Variants in CACNA2D1 observed in about 807,000 individuals in gnomAD.
CACNA2D1 encodes the protein calcium voltage-gated channel auxiliary subunit alpha2delta 1, also known as voltage-dependent calcium channel subunit alpha-2/delta-1.
A neutral mutation model predicts 171.5 loss-of-function variants in CACNA2D1; 53 were observed. The observed-to-expected ratio is 0.31, with a 90% CI of 0.25 to 0.39. The LOEUF is 0.39. CACNA2D1 is among the 10% of genes least tolerant of loss of function. The pLI is 1.00. For synonymous variants in CACNA2D1, 442 were observed against 443.1 expected (o/e 1.00, Z 0.03); for missense variants, 903 against 1,299.8 (o/e 0.69, Z 4.69).
intron 3 of CACNA2D1, among the ~76,000 whole-genome samples, chr7:82,285,424 T>C (rs538173604): frequency 1.3e-5 from 2 of 152,292 alleles, no homozygotes; most frequent in East Asian, 3.9e-4. Flanking sequence ...CAGTACGTAC[T>C]CTTGAAATAG....
intron 1 of CACNA2D1, among the ~76,000 whole-genome samples, chr7:82,362,324 C>T (rs1821164509): frequency 1.3e-5 from 2 of 152,160 alleles, no homozygotes; most frequent in South Asian, 4.2e-4. Flanking sequence ...TAAAATGGAC[C>T]ACCCTGTATT....
chr7:82,138,226 C>A (rs1182926253), intron 4 of CACNA2D1, among the ~76,000 whole-genome samples: 1 of 151,932 alleles, frequency 6.6e-6, no homozygotes, highest in Non-Finnish European at 1.5e-5. Context: ...AAATATAGGT[C>A]TCCATGAAGA....
intron 3 of CACNA2D1, among the ~76,000 whole-genome samples, chr7:82,221,400 A>G (rs1295598421): frequency 6.6e-6 from 1 of 152,138 alleles, no homozygotes; most frequent in African/African-American, 2.4e-5. Flanking sequence ...CTCCAAACAC[A>G]TTTTCTACAG....
intron 1 of CACNA2D1, among the ~76,000 whole-genome samples, chr7:82,389,480 T>C (rs942069839): frequency 6.6e-6 from 1 of 152,150 alleles, no homozygotes; most frequent in African/African-American, 2.4e-5. Flanking sequence ...CTTCCATTCT[T>C]AAATATATAT....
At chr7:82,039,584 T>TATA (rs1803702787) in intron 10 of CACNA2D1, among the ~76,000 whole-genome samples, 1 of 152,198 alleles carries the variant, frequency 6.6e-6, no homozygotes, top group Non-Finnish European at 1.5e-5. Context: ...CTCAATATAG[T>TATA]ATAATAAATT....
At chr7:82,117,800 C>A (rs1304714529) in intron 5 of CACNA2D1, among the ~76,000 whole-genome samples, 2 of 152,062 alleles carry the variant, frequency 1.3e-5, no homozygotes, top group Admixed American at 6.6e-5. Flanking sequence ...AACAAACAAA[C>A]AAACAGACAA....
At chr7:82,281,963 A>G (rs950853240) in intron 3 of CACNA2D1, among the ~76,000 whole-genome samples, 1 of 152,112 alleles carries the variant, frequency 6.6e-6, no homozygotes, top group Non-Finnish European at 1.5e-5. Context: ...CAAAGAAAAA[A>G]AGAAAAAAGA....
At chr7:82,373,766 A>G (rs1318012090) in intron 1 of CACNA2D1, among the ~76,000 whole-genome samples, 1 of 152,210 alleles carries the variant, frequency 6.6e-6, no homozygotes, top group Non-Finnish European at 1.5e-5. Flanking sequence ...TTGTGTTTTC[A>G]AGGGTTGAAT....
chr7:82,148,165 A>G (rs1404174214), intron 4 of CACNA2D1, among the ~76,000 whole-genome samples: 2 of 152,202 alleles, frequency 1.3e-5, no homozygotes, highest in African/African-American at 2.4e-5. Context: ...GCTAAAACAA[A>G]TATATCACTG....
intron 7 of CACNA2D1, among the ~76,000 whole-genome samples, chr7:82,072,424 A>G (rs1311937181): frequency 6.6e-6 from 1 of 151,938 alleles, no homozygotes; most frequent in Non-Finnish European, 1.5e-5. Context: ...TATTTTTAGG[A>G]GAGTATTATT....
chr7:82,254,651 C>G (rs1436354913), intron 3 of CACNA2D1, among the ~76,000 whole-genome samples: 2 of 152,118 alleles, frequency 1.3e-5, no homozygotes, highest in Non-Finnish European at 2.9e-5. Flanking sequence ...TGTGGCCTTT[C>G]TTTGCCTAAA....
chr7:82,363,962 G>A (rs1196423434), intron 1 of CACNA2D1, among the ~76,000 whole-genome samples: 11 of 152,128 alleles, frequency 7.2e-5, no homozygotes, highest in Admixed American at 6.5e-5. Context: ...GGCAGGGCCC[G>A]GGGGCTCACA....
chr7:82,360,365 T>A (rs1563426621), intron 1 of CACNA2D1, among the ~76,000 whole-genome samples: 1 of 152,172 alleles, frequency 6.6e-6, no homozygotes, highest in Non-Finnish European at 1.5e-5. Context: ...CCTTAAGACA[T>A]CTCAGTGGAA....
At position 82,170,563 on chromosome 7, in the gene CACNA2D1, C is replaced by G; in HGVS notation, c.341G>C (p.Arg114Thr). 1 of 1,612,516 alleles carries G rather than the reference C, an allele frequency of 6.2e-7. No homozygotes were observed. The highest frequency in any genetic ancestry group is 8.5e-7 in the Non-Finnish European group (1 of 1,179,000). ...AEKVQAAHQW[R>T]EDFASNEVVY... The stretch of plus-strand genomic sequence containing the variant: ...AGGGGTTCTTACTGCAAAATCTTCT[C>G]TCCACTGGTGAGCTGCTTGAACTTT... The change falls in exon 4 of 39, where the codon AGA (arginine) becomes ACA (threonine). Residue 114 changes from arginine to threonine, a missense_variant. By Grantham distance (71) the Arg-to-Thr change is moderately conservative. Coordinates refer to ENST00000356860, the MANE Select transcript of CACNA2D1 (RefSeq NM_000722.4).
At chr7:81,953,609 C>T (rs144721888) in intron 38 of CACNA2D1, among the ~76,000 whole-genome samples, 5 of 151,572 alleles carry the variant, frequency 3.3e-5, no homozygotes, top group Admixed American at 3.3e-4. Context: ...AGAAGAGTGG[C>T]TAGATACATA....
At chr7:82,088,465 C>G (rs571358832) in intron 6 of CACNA2D1, among the ~76,000 whole-genome samples, 2 of 152,174 alleles carry the variant, frequency 1.3e-5, no homozygotes, top group Non-Finnish European at 2.9e-5. Context: ...CAATAAATAT[C>G]AACAAAATTC....
intron 15 of CACNA2D1, among the ~76,000 whole-genome samples, chr7:82,009,563 C>G (rs949239406): frequency 6.6e-6 from 1 of 152,068 alleles, no homozygotes; most frequent in Non-Finnish European, 1.5e-5. Flanking sequence ...TTTAAAAATG[C>G]TACCATGGTT....
At chr7:82,168,120 C>A (rs987118405) in intron 4 of CACNA2D1, among the ~76,000 whole-genome samples, 1 of 151,958 alleles carries the variant, frequency 6.6e-6, no homozygotes, top group Non-Finnish European at 1.5e-5. Flanking sequence ...ATTGCTGATG[C>A]ATCATAATTT....
chr7:82,418,051 A>G (rs1323132747), intron 1 of CACNA2D1, among the ~76,000 whole-genome samples: 1 of 152,216 alleles, frequency 6.6e-6, no homozygotes, highest in Non-Finnish European at 1.5e-5. Flanking sequence ...TAAAGGAAAG[A>G]GGTTTAATTA....
Sources: allele counts gnomAD v4.1 joint callset (sites outside exome capture counted in the v4.1 genomes callset), GRCh38; gene constraint gnomAD v4.1.1; transcripts MANE v1.5; gene names NCBI Gene and HGNC (gene_info 2026-07-23, HGNC 2026-07-21).